Variants in OXCT1 observed in about 807,000 individuals in gnomAD.
OXCT1 encodes succinyl-CoA:3-ketoacid coenzyme A transferase 1, mitochondrial.
Under a neutral mutation model 69.6 loss-of-function variants are expected in OXCT1, and 27 were observed. The observed-to-expected ratio is 0.39, with a 90% confidence interval of 0.29 to 0.54. The LOEUF (loss-of-function observed/expected upper bound fraction) is 0.54. OXCT1 is among the 20% of genes least tolerant of loss of function. The probability of loss-of-function intolerance (pLI) is 0.72; values close to 1 mark genes in which losing one functional copy is unlikely to be tolerated. For synonymous variants in OXCT1, 202 were observed against 217.8 expected (o/e 0.93, Z 0.64); for missense variants, 437 against 650.2 (o/e 0.67, Z 3.57).
intron 7 of OXCT1, 62 bp from the exon 8 acceptor site, chr5:41,807,500 T>C: frequency 1.1e-6 from 1 of 918,552 alleles, no homozygotes; most frequent in Non-Finnish European, 1.8e-6. Context: ...TTTTAATTTT[T>C]TAAAAAGTAT....
chr5:41,736,916 T>C lies in OXCT1; in HGVS notation c.1521+2474A>G, dbSNP rs114804832. 4.8e-3 allele frequency among the ~76,000 whole-genome samples: 727 copies of C among 152,316 alleles called. 3 individuals are homozygous for C. The highest frequency in any genetic ancestry group is 0.013 in the African/African-American group (551 of 41,570). On this transcript the variant is annotated intron_variant, in intron 16 of 16. Transcript: ENST00000196371. Reference sequence around the variant, plus strand: ...TATGCAGTGATAACCACAGGGAATATTTTCTAAATTAGGACATGGAATGTC... The same window carrying C: ...TATGCAGTGATAACCACAGGGAATACTTTCTAAATTAGGACATGGAATGTC...
At chr5:41,758,468 C>T (rs1744189849) in intron 14 of OXCT1, among the ~76,000 whole-genome samples, 1 of 151,976 alleles carries the variant, frequency 6.6e-6, no homozygotes, top group Admixed American at 6.6e-5. Context: ...GGCTGCAGAG[C>T]AGAGGGCATT....
rs193035088 is a variant in OXCT1 at position 41,734,722 on chromosome 5, A to C, written c.1522-2952T>G. On this transcript the variant is annotated intron_variant, in intron 16 of 16. Transcript: ENST00000196371. Reference sequence around the variant, plus strand: ...AAATGTTGGGCCCTAGTAGCATAAAAGACAGACAGAAGACTATATCGAACT... The same window carrying C: ...AAATGTTGGGCCCTAGTAGCATAAACGACAGACAGAAGACTATATCGAACT... Among the ~76,000 whole-genome samples the C allele has an allele frequency of 1.5e-3, 225 of 152,364 alleles. 1 individual carries two copies. Among genetic ancestry groups the C allele is most frequent in the African/African-American group, 5.2e-3 (216 of 41,586 alleles).
chr5:41,774,544 T>C (rs138041136), intron 13 of OXCT1, among the ~76,000 whole-genome samples: 61 of 152,120 alleles, frequency 4.0e-4, no homozygotes, highest in African/African-American at 1.4e-3. Context: ...AACAAAGGGG[T>C]AGACCAGCAA....
chr5:41,779,024 A>G (rs1201022669), intron 13 of OXCT1, among the ~76,000 whole-genome samples: 1 of 152,170 alleles, frequency 6.6e-6, no homozygotes, highest in Non-Finnish European at 1.5e-5. Flanking sequence ...CATTAAAATA[A>G]CTCTCCACAT....
chr5:41,864,278 G>T (rs1202714052), intron 1 of OXCT1, among the ~76,000 whole-genome samples: 1 of 152,086 alleles, frequency 6.6e-6, no homozygotes, highest in Non-Finnish European at 1.5e-5. Context: ...ACCTTAACAT[G>T]CCAGTTATGA....
At chr5:41,793,543 A>G (rs569784708) in intron 13 of OXCT1, among the ~76,000 whole-genome samples, 3 of 152,252 alleles carry the variant, frequency 2.0e-5, no homozygotes, top group Non-Finnish European at 4.4e-5. Flanking sequence ...TTTGAATTCC[A>G]TAGCAGAGGA....
intron 13 of OXCT1, among the ~76,000 whole-genome samples, chr5:41,774,450 G>C (rs1391155431): frequency 6.6e-6 from 1 of 152,156 alleles, no homozygotes; most frequent in Non-Finnish European, 1.5e-5. Context: ...GTTGACTCTA[G>C]GGGCACAAGA....
At chr5:41,854,658 T>C (rs868519637) in intron 3 of OXCT1, among the ~76,000 whole-genome samples, 1 of 152,164 alleles carries the variant, frequency 6.6e-6, no homozygotes, top group South Asian at 2.1e-4. Flanking sequence ...AATGGCGAAA[T>C]ATTTTTTAAT....
At chr5:41,809,963 G>A (rs902900196) in intron 7 of OXCT1, among the ~76,000 whole-genome samples, 3 of 151,968 alleles carry the variant, frequency 2.0e-5, no homozygotes, top group Admixed American at 2.0e-4. Context: ...TATTGAAAAC[G>A]TCTATACAAA....
At chr5:41,769,845 G>A (rs1419897138) in intron 13 of OXCT1, among the ~76,000 whole-genome samples, 7 of 152,246 alleles carry the variant, frequency 4.6e-5, no homozygotes, top group Admixed American at 1.3e-4. Context: ...CAGGATCTCC[G>A]CCTCCTGGAT....
At chr5:41,767,732 A>G (rs1038102160) in intron 13 of OXCT1, among the ~76,000 whole-genome samples, 1 of 92,888 alleles carries the variant, frequency 1.1e-5, no homozygotes, top group Admixed American at 1.1e-4. Context: ...GTATATATAT[A>G]TATATATATA....
chr5:41,830,866 A>C (rs767667841), intron 7 of OXCT1, among the ~76,000 whole-genome samples: 1 of 152,208 alleles, frequency 6.6e-6, no homozygotes, highest in Non-Finnish European at 1.5e-5. Context: ...AGGCATTTTC[A>C]TTTCTCTAAA....
chr5:41,814,908 T>A (rs1484272478), intron 7 of OXCT1, among the ~76,000 whole-genome samples: 5 of 151,936 alleles, frequency 3.3e-5, no homozygotes, highest in Non-Finnish European at 7.4e-5. Context: ...AAAAGAGTCT[T>A]CCTTTCTCTG....
rs115870029 is a variant in OXCT1, at chr5:41,764,168, G to A, written c.1249-1968C>T. On this transcript the variant is annotated intron_variant, in intron 13 of 16. Coordinates refer to ENST00000196371, the MANE Select transcript of OXCT1 (RefSeq NM_000436.4). ...CACTATTTTGATTCTTAAATTTAAT[G>A]CTTGTTTCCAAGAGTGAAAAATGCA... 9.4e-3 allele frequency among the ~76,000 whole-genome samples: 1,426 copies of A among 152,202 alleles called. 24 individuals carry two copies. Among genetic ancestry groups the A allele is most frequent in the African/African-American group, 0.03 (1,231 of 41,534 alleles).
At chr5:41,769,806 G>T (rs1191280950) in intron 13 of OXCT1, among the ~76,000 whole-genome samples, 2 of 152,100 alleles carry the variant, frequency 1.3e-5, no homozygotes, top group Non-Finnish European at 2.9e-5. Flanking sequence ...ACAGAGTCTT[G>T]CTGTGTTGCC....
At chr5:41,764,358 G>T (rs530598627) in intron 13 of OXCT1, among the ~76,000 whole-genome samples, 9 of 152,106 alleles carry the variant, frequency 5.9e-5, no homozygotes, top group Non-Finnish European at 1.3e-4. Context: ...GTATGCAAAC[G>T]TGTAATAAAT....
intron 13 of OXCT1, among the ~76,000 whole-genome samples, chr5:41,784,952 T>G (rs1474799607): frequency 1.3e-5 from 2 of 152,216 alleles, no homozygotes; most frequent in African/African-American, 4.8e-5. Flanking sequence ...CTGAAAAATA[T>G]TGGGTGTAAA....
intron 13 of OXCT1, among the ~76,000 whole-genome samples, chr5:41,778,284 A>G (rs1745222936): frequency 6.6e-6 from 1 of 152,242 alleles, no homozygotes; most frequent in South Asian, 2.1e-4. Flanking sequence ...ATGATCTACT[A>G]GAGCTATCAA....
Sources: allele counts gnomAD v4.1 joint callset (sites outside exome capture counted in the v4.1 genomes callset), GRCh38; gene constraint gnomAD v4.1.1; transcripts MANE v1.5; gene names NCBI Gene and HGNC (gene_info 2026-07-23, HGNC 2026-07-21).